The following FAAH2 variants were observed in gnomAD, a reference collection of about 807,000 sequenced individuals.
The protein encoded by FAAH2 is fatty acid amide hydrolase 2.
Under a neutral mutation model 36.9 loss-of-function variants are expected in FAAH2, and 60 were observed. That is an observed-to-expected ratio of 1.63 (90% CI 1.32 to 2.02). The LOEUF (loss-of-function observed/expected upper bound fraction) is 2.02. Ranked by LOEUF, FAAH2 falls within the 30% of genes most tolerant of loss-of-function variation. FAAH2 has a pLI of 0.00. For synonymous variants in FAAH2, 214 were observed against 143.8 expected (o/e 1.49, Z -3.49); for missense variants, 689 against 397.5 (o/e 1.73, Z -6.23).
At chrX:57,487,886 T>C (rs761871630) in intron 10 of FAAH2, among the ~76,000 whole-genome samples, 20 of 112,081 alleles carry the variant, frequency 1.8e-4, no homozygotes, top group Admixed American at 8.6e-4. Flanking sequence ...AAAGTATTAG[T>C]CCAACTGTCC....
At chrX:57,284,934 C>T (rs183689957), upstream of FAAH2, among the ~76,000 whole-genome samples, 1 of 111,925 alleles carries the variant, frequency 8.9e-6, no homozygotes, top group East Asian at 2.8e-4. Flanking sequence ...CTGGTCAGAG[C>T]CCAATCAGTG....
chrX:57,363,790 A>G (rs765634622), intron 5 of FAAH2, among the ~76,000 whole-genome samples: 6 of 111,300 alleles, frequency 5.4e-5, no homozygotes, highest in Admixed American at 4.8e-4. Context: ...GATGAATTTT[A>G]TCAAAAGCCT....
chrX:57,404,185 G>T (rs1011449249), intron 7 of FAAH2, among the ~76,000 whole-genome samples: 2 of 112,296 alleles, frequency 1.8e-5, no homozygotes, highest in African/African-American at 6.5e-5. Flanking sequence ...TGACAACAAA[G>T]TGGTATTGGA....
chrX:57,380,743 G>A (rs2054821893), intron 6 of FAAH2, among the ~76,000 whole-genome samples, 169 bp from the exon 7 acceptor site: 1 of 112,014 alleles, frequency 8.9e-6, no homozygotes, highest in Non-Finnish European at 1.9e-5. Flanking sequence ...TGCAGCTCAA[G>A]TACATTTTTT....
At chrX:57,192,686 G>A in the FAAH2 span, among the ~76,000 whole-genome samples, 1 of 111,983 alleles carries the variant, frequency 8.9e-6, no homozygotes, top group Non-Finnish European at 1.9e-5. Context: ...CCAAATGGAA[G>A]GACTGGCTGA....
the FAAH2 span, among the ~76,000 whole-genome samples, chrX:57,162,220 C>T: frequency 3.6e-5 from 4 of 111,058 alleles, no homozygotes; most frequent in South Asian, 7.7e-4. Context: ...GGGTTTCTGC[C>T]GAGAGATCCG....
the FAAH2 span, chrX:57,135,691 G>A: frequency 9.1e-7 from 1 of 1,103,333 alleles, no homozygotes; most frequent in Non-Finnish European, 1.2e-6. Context: ...CAAAACAACA[G>A]TTAATGCTGG....
chrX:57,223,242 T>A, the FAAH2 span, among the ~76,000 whole-genome samples: 1 of 111,375 alleles, frequency 9.0e-6, no homozygotes, highest in Non-Finnish European at 1.9e-5. Context: ...CAGCTGGAAA[T>A]AGGCTAGCAG....
At chrX:57,197,543 A>ATT in the FAAH2 span, among the ~76,000 whole-genome samples, 274 of 105,404 alleles carry the variant, frequency 2.6e-3, no homozygotes, top group Middle Eastern at 0.02. Flanking sequence ...CTATTCAGAT[A>ATT]TTTTTTTTTT....
intron 8 of FAAH2, among the ~76,000 whole-genome samples, chrX:57,440,083 G>A (rs899051539): frequency 7.2e-5 from 8 of 111,290 alleles, no homozygotes; most frequent in East Asian, 2.8e-4. Flanking sequence ...TTGGTGATGC[G>A]GGCTCTTTTT....
chrX:57,479,330 G>T (rs906959080), intron 10 of FAAH2, among the ~76,000 whole-genome samples: 1 of 111,754 alleles, frequency 8.9e-6, no homozygotes, highest in East Asian at 2.8e-4. Context: ...ATTTTTGTAC[G>T]TTGATTTTTG....
chrX:57,433,008 C>T (rs982147260), intron 8 of FAAH2, among the ~76,000 whole-genome samples: 22 of 108,565 alleles, frequency 2.0e-4, no homozygotes, highest in African/African-American at 7.0e-4. Context: ...TTTTCAAATA[C>T]CCAGTTTTCT....
chrX:57,430,453 G>T (rs190764785), intron 7 of FAAH2, among the ~76,000 whole-genome samples: 242 of 111,792 alleles, frequency 2.2e-3, no homozygotes, highest in African/African-American at 7.2e-3. Context: ...TTCATTCAAG[G>T]GTTGTGAGTC....
At chrX:57,253,428 G>T in the FAAH2 span, among the ~76,000 whole-genome samples, 13 of 111,446 alleles carry the variant, frequency 1.2e-4, no homozygotes, top group Non-Finnish European at 2.4e-4. Flanking sequence ...ACACCAAAAA[G>T]ATACTCTTTG....
the FAAH2 span, among the ~76,000 whole-genome samples, chrX:57,197,601 G>A: frequency 2.7e-5 from 3 of 110,197 alleles, no homozygotes; most frequent in Non-Finnish European, 5.7e-5. Context: ...TTTTCCCCAT[G>A]GATCAGGCTT....
rs190220224 is a variant in FAAH2 at position 57,471,852 on chromosome X, G to A, written c.1424-16905G>A. 3.4e-3 allele frequency among the ~76,000 whole-genome samples: 381 copies of A among 111,769 alleles called. 1 individual carries two copies. Among genetic ancestry groups the A allele is most frequent in the Non-Finnish European group, 6.1e-3 (325 of 53,128 alleles). On this transcript the variant is annotated intron_variant, in intron 10 of 10. Coordinates refer to ENST00000374900, the MANE Select transcript of FAAH2 (RefSeq NM_174912.4). ...ACCTGACTTCAAACTATACTACAAG[G>A]CTACAGTAACCAAAACAGCATGGTG...
At chrX:57,239,083 T>C in the FAAH2 span, among the ~76,000 whole-genome samples, 4 of 112,176 alleles carry the variant, frequency 3.6e-5, no homozygotes, top group Non-Finnish European at 5.6e-5. Flanking sequence ...AGTACACCAT[T>C]GATAGGCATT....
chrX:57,267,803 A>G, the FAAH2 span, among the ~76,000 whole-genome samples: 1 of 112,573 alleles, frequency 8.9e-6, no homozygotes, highest in Admixed American at 9.4e-5. Flanking sequence ...TTATATCACA[A>G]TCAAACACTC....
the FAAH2 span, among the ~76,000 whole-genome samples, chrX:57,228,146 G>T: frequency 8.9e-6 from 1 of 112,184 alleles, no homozygotes; most frequent in Non-Finnish European, 1.9e-5. Flanking sequence ...CCTCCCCTGA[G>T]TTCTGGCCTT....
Sources: allele counts gnomAD v4.1 joint callset (sites outside exome capture counted in the v4.1 genomes callset), GRCh38; gene constraint gnomAD v4.1.1; transcripts MANE v1.5; gene names NCBI Gene and HGNC (gene_info 2026-07-23, HGNC 2026-07-21).